The following ITIH4 variants were observed in gnomAD, a reference collection of about 807,000 sequenced individuals.
The protein encoded by ITIH4 is inter-alpha-trypsin inhibitor heavy chain H4.
A neutral mutation model predicts 111.8 loss-of-function variants in ITIH4; 79 were observed. The ratio of observed to expected loss-of-function variants is 0.71; its 90% CI spans 0.59 to 0.85. The LOEUF is 0.85. ITIH4 is among the 40% of genes least tolerant of loss of function. The pLI is 0.00. For synonymous variants in ITIH4, 472 were observed against 468.3 expected, an observed-to-expected ratio of 1.01 and a Z score of -0.10; for missense variants, 1,065 against 1,195.8, an observed-to-expected ratio of 0.89 and a Z score of 1.61.
chr3:52,823,758 GT>G lies in ITIH4; in HGVS notation c.1354-18del, dbSNP rs1559480893. The G allele has an allele frequency of 6.2e-7, 1 of 1,614,064 alleles. No individual in the cohort carries two copies. Among genetic ancestry groups the G allele is most frequent in the East Asian group, 2.2e-5 (1 of 44,874 alleles). On this transcript the variant is annotated intron_variant, in intron 10 of 23. Coordinates refer to ENST00000266041, the MANE Select transcript of ITIH4 (RefSeq NM_002218.5). ...GTAGAAGTCCTGCAGGGTTGGGGGTGTCATAAAGGCTGGGCTTTATGACTGC... is the reference window on the plus strand; with the variant it reads ...GTAGAAGTCCTGCAGGGTTGGGGGTGCATAAAGGCTGGGCTTTATGACTGC...
chr3:52,825,860 T>A, intron 6 of ITIH4, 26 bp downstream of exon 6: 1 of 1,609,612 alleles, frequency 6.2e-7, no homozygotes, highest in Non-Finnish European at 8.5e-7. Context: ...TCTAGGCTGC[T>A]CTGCTCTTGC....
intron 12 of ITIH4, 67 bp from the exon 13 acceptor site, chr3:52,820,852 C>T: frequency 6.4e-7 from 1 of 1,560,632 alleles, no homozygotes; most frequent in Non-Finnish European, 8.7e-7. Flanking sequence ...CATCCAGCCC[C>T]TTCTGGGGAG....
chr3:52,818,409 A>C, intron 18 of ITIH4, 53 bp downstream of exon 18: 2 of 1,576,090 alleles, frequency 1.3e-6, no homozygotes, highest in South Asian at 2.3e-5. Flanking sequence ...GTGACAGGTC[A>C]CTCCCCTCCC....
At chr3:52,820,535 C>T (rs561640044) in intron 13 of ITIH4, 96 bp downstream of exon 13, 48 of 1,434,240 alleles carry the variant, frequency 3.3e-5, no homozygotes, top group Admixed American at 6.0e-5. Flanking sequence ...GTTGGGGGCA[C>T]GGTTGGGGTC....
chr3:52,814,494 C>T (rs1700244890), intron 21 of ITIH4, 131 bp from the exon 22 acceptor site: 2 of 707,698 alleles, frequency 2.8e-6, no homozygotes, highest in Non-Finnish European at 4.8e-6. Flanking sequence ...GGTGGGAAGG[C>T]CCTTAAATCT....
intron 20 of ITIH4, 86 bp downstream of exon 20, chr3:52,817,966 G>T: frequency 9.6e-7 from 1 of 1,039,648 alleles, no homozygotes; most frequent in Non-Finnish European, 1.5e-6. Context: ...TGTGGGGCCA[G>T]CCTGCACGCG....
At chr3:52,817,976 G>A (rs1006763157) in intron 20 of ITIH4, 76 bp downstream of exon 20, 87 of 1,129,920 alleles carry the variant, frequency 7.7e-5, no homozygotes, top group Admixed American at 1.5e-4. Context: ...GCCTGCACGC[G>A]CTGTGTGTGT....
rs1035317608 is a variant in ITIH4 at position 52,813,117 on chromosome 3, C to G, written c.*304G>C. 7 of 324,508 alleles carry G rather than the reference C, an allele frequency of 2.2e-5. No individual in the cohort carries two copies. The highest frequency in any genetic ancestry group is 1.3e-4 in the African/African-American group (6 of 46,528). The allele number at this position is 324,508 out of a possible 1,614,324, so 20.1% of individuals were successfully genotyped here. ...CAAATGGGTGGTTCGAGCTCAGTTT[C>G]CTTGTTTGTAAAATGAAGGGGCTGG... is the stretch of plus-strand genomic sequence containing the variant. On this transcript the variant is annotated 3_prime_UTR_variant, in exon 24 of 24. Coordinates refer to ENST00000266041, the MANE Select transcript of ITIH4 (RefSeq NM_002218.5).
chr3:52,813,979 T>C lies in ITIH4; in HGVS notation c.2719A>G (p.Thr907Ala), dbSNP rs1240575737. ...GGTCTGCTTGTGCCAAGTCACCTGG[T>C]GGCAGAGTGGTCATTGCCCTGAACC... is the stretch of plus-strand genomic sequence containing the variant. ...LRVQGNDHSA[T>A]RERRLDYQEG... The change falls in exon 23 of 24, where the codon ACC becomes GCC. Residue 907 changes from threonine to alanine, a missense_variant. By Grantham distance (58) the Thr-to-Ala change is moderately conservative. Coordinates refer to ENST00000266041, the MANE Select transcript of ITIH4 (RefSeq NM_002218.5). The C allele has an allele frequency of 6.2e-7, 1 of 1,611,726 alleles. No homozygotes were observed. The highest frequency in any genetic ancestry group is 8.5e-7 in the Non-Finnish European group (1 of 1,179,312).
chr3:52,823,016 G>T (rs1347716596), intron 11 of ITIH4, among the ~76,000 whole-genome samples: 2 of 152,180 alleles, frequency 1.3e-5, no homozygotes, highest in African/African-American at 2.4e-5. Flanking sequence ...GGGCACGGAG[G>T]GGTCAGCCTC....
intron 10 of ITIH4, 22 bp from the exon 11 acceptor site, chr3:52,823,763 A>C: frequency 6.2e-7 from 1 of 1,613,986 alleles, no homozygotes; most frequent in Non-Finnish European, 8.5e-7. Context: ...GGGGTGTCAT[A>C]AAGGCTGGGC....
chr3:52,820,606 G>C, intron 13 of ITIH4, 25 bp downstream of exon 13: 1 of 1,587,114 alleles, frequency 6.3e-7, no homozygotes, highest in South Asian at 1.1e-5. Context: ...TACCTGGGAG[G>C]CTGAGATCTC....
Position 52,813,259 on chromosome 3 carries a change from C to G in ITIH4, c.*162G>C, listed in dbSNP as rs1302313428. 2 of 666,644 alleles carry G rather than the reference C, an allele frequency of 3.0e-6. No individual in the cohort carries two copies. Among genetic ancestry groups the G allele is most frequent in the East Asian group, 5.3e-5 (2 of 37,920 alleles). 41.3% of individuals were successfully genotyped at this position (666,644 alleles called of 1,614,324 possible). ...CGAGGTTGAGGCCCTAGGATTTGGC[C>G]ACATGGAACTGGAGACACCCACTTC... On this transcript the variant is annotated 3_prime_UTR_variant, in exon 24 of 24. Coordinates refer to ENST00000266041, the MANE Select transcript of ITIH4 (RefSeq NM_002218.5).
At chr3:52,827,041 A>G in intron 3 of ITIH4, 52 bp downstream of exon 3, 1 of 1,611,578 alleles carries the variant, frequency 6.2e-7, no homozygotes, top group Non-Finnish European at 8.5e-7. Flanking sequence ...GCCAAAGGCA[A>G]GGTGGCCTTT....
chr3:52,822,284 A>G (rs1700396238), intron 11 of ITIH4: 1 of 152,132 alleles, frequency 6.6e-6, no homozygotes, highest in Non-Finnish European at 1.5e-5. Context: ...TGGAGCTTGC[A>G]ATGAGCCGAG....
intron 14 of ITIH4, 100 bp downstream of exon 14, chr3:52,820,191 G>A (rs914129618): frequency 4.0e-6 from 6 of 1,507,984 alleles, no homozygotes; most frequent in Non-Finnish European, 5.5e-6. Flanking sequence ...AGGCCTGGGT[G>A]GACCTGGGCC....
chr3:52,818,348 A>G, intron 18 of ITIH4, 65 bp from the exon 19 acceptor site: 1 of 1,567,436 alleles, frequency 6.4e-7, no homozygotes, highest in Non-Finnish European at 8.7e-7. Flanking sequence ...TGAGGGAGGG[A>G]GCAGTGACTA....
intron 21 of ITIH4, among the ~76,000 whole-genome samples, chr3:52,815,283 G>T (rs1256550452): frequency 2.1e-5 from 3 of 143,522 alleles, no homozygotes; most frequent in East Asian, 4.0e-4. Flanking sequence ...TCGCTCTGTC[G>T]CCCAGGCTGA....
At position 52,819,392 on chromosome 3, in the gene ITIH4, C is replaced by T; in HGVS notation, c.2077+1G>A. The stretch of plus-strand genomic sequence containing the variant: ...CCTCGCAGGGCCGGAAGGCAGCTTA[C>T]AGATGGCCAGACGGCGGAAGGGGTG... On this transcript the variant is annotated splice_donor_variant, in intron 17 of 23. Transcript: ENST00000266041. LOFTEE classifies it high-confidence loss of function. The T allele has an allele frequency of 6.2e-7, 1 of 1,613,958 alleles. No individual in the cohort carries two copies. Among genetic ancestry groups the T allele is most frequent in the Non-Finnish European group, 8.5e-7 (1 of 1,179,882 alleles).
Sources: allele counts gnomAD v4.1 joint callset (sites outside exome capture counted in the v4.1 genomes callset), GRCh38; gene constraint gnomAD v4.1.1; transcripts MANE v1.5; gene names NCBI Gene and HGNC (gene_info 2026-07-23, HGNC 2026-07-21).